TTC39B: variants seen among roughly 807,000 people sequenced by gnomAD.
TTC39B encodes tetratricopeptide repeat protein 39B.
TTC39B carries 92 observed loss-of-function variants against 96.6 expected under a neutral mutation model. The observed-to-expected ratio is 0.95, with a 90% CI of 0.80 to 1.13. The LOEUF is 1.13. TTC39B is among the 50% of genes most tolerant of loss of function. The pLI, the probability that TTC39B is intolerant of heterozygous loss-of-function variation, is 0.00. For synonymous variants in TTC39B, 367 were observed against 299.4 expected (o/e 1.23, Z -2.33); for missense variants, 955 against 809.3 (o/e 1.18, Z -2.18).
intron 1 of TTC39B, among the ~76,000 whole-genome samples, chr9:15,295,193 C>A (rs1824329306): frequency 6.6e-6 from 1 of 152,198 alleles, no homozygotes; most frequent in South Asian, 2.1e-4. Context: ...CAGCAAACTT[C>A]CTCCATAAAA....
At chr9:15,223,357 G>A (rs909365542) in intron 3 of TTC39B, among the ~76,000 whole-genome samples, 1 of 152,238 alleles carries the variant, frequency 6.6e-6, no homozygotes, top group Non-Finnish European at 1.5e-5. Flanking sequence ...AGAAGGTGGA[G>A]CATCAAGATG....
exon 20 of TTC39B, chr9:15,170,432 C>G (rs1484223827): frequency 6.6e-6 from 1 of 152,152 alleles, no homozygotes; most frequent in Non-Finnish European, 1.5e-5. Context: ...TGTGTTGATA[C>G]TGTAATCCAG....
intron 1 of TTC39B, among the ~76,000 whole-genome samples, chr9:15,284,728 C>G (rs570148316): frequency 3.9e-5 from 6 of 152,164 alleles, no homozygotes; most frequent in African/African-American, 1.2e-4. Flanking sequence ...CTGGTCTCTT[C>G]TGAGGAGAGG....
intron 8 of TTC39B, among the ~76,000 whole-genome samples, chr9:15,196,160 C>G (rs933183514): frequency 6.6e-6 from 1 of 152,200 alleles, no homozygotes; most frequent in Non-Finnish European, 1.5e-5. Context: ...GAAAATGCAC[C>G]TAGTCACCTA....
chr9:15,192,600 G>T (rs756490737), exon 9 of TTC39B: 1 of 1,613,072 alleles, frequency 6.2e-7, no homozygotes, highest in Non-Finnish European at 8.5e-7. Flanking sequence ...CAAATTAAAG[G>T]CCCCACTGCC....
chr9:15,266,845 C>A (rs1198108343), intron 2 of TTC39B, among the ~76,000 whole-genome samples: 1 of 152,032 alleles, frequency 6.6e-6, no homozygotes, highest in African/African-American at 2.4e-5. Context: ...TTTGGGAGGA[C>A]AAGAGGGGCA....
chr9:15,241,987 C>G (rs1392603403), intron 2 of TTC39B, among the ~76,000 whole-genome samples: 4 of 152,068 alleles, frequency 2.6e-5, no homozygotes, highest in Non-Finnish European at 5.9e-5. Context: ...CTCAGTTGAT[C>G]CACCTGCCTC....
intron 3 of TTC39B, among the ~76,000 whole-genome samples, chr9:15,219,397 C>T (rs554112119): frequency 4.6e-5 from 7 of 152,300 alleles, no homozygotes. Context: ...CTGCACTTTG[C>T]TCATAATCTG....
At chr9:15,167,984 T>C (rs560093136) in exon 20 of TTC39B, 1 of 152,246 alleles carries the variant, frequency 6.6e-6, no homozygotes, top group African/African-American at 2.4e-5. Flanking sequence ...CACGATCAAA[T>C]GAAAGTTTAA....
chr9:15,241,783 C>T (rs948206826), intron 2 of TTC39B, among the ~76,000 whole-genome samples: 1 of 145,086 alleles, frequency 6.9e-6, no homozygotes, highest in African/African-American at 2.6e-5. Flanking sequence ...AGTTCTGTCA[C>T]CCAGGCTGGA....
At chr9:15,171,811 G>T (rs1234460456) in exon 20 of TTC39B, 1 of 321,148 alleles carries the variant, frequency 3.1e-6, no homozygotes, top group Non-Finnish European at 5.6e-6. Context: ...CAAAATATAA[G>T]AATTTTCTAG....
chr9:15,229,785 C>A (rs562682856), intron 2 of TTC39B, among the ~76,000 whole-genome samples: 4 of 152,190 alleles, frequency 2.6e-5, no homozygotes, highest in Non-Finnish European at 4.4e-5. Flanking sequence ...ATTATCATGG[C>A]TTTCCGAGAC....
chr9:15,210,149 G>C lies in TTC39B; in HGVS notation c.630C>G (p.Tyr210Ter). The C allele has an allele frequency of 6.2e-7, 1 of 1,600,736 alleles. No individual in the cohort carries two copies. The highest frequency in any genetic ancestry group is 8.5e-7 in the Non-Finnish European group (1 of 1,174,360). Residue 210 changes from tyrosine (Y) to a stop codon, truncating the protein, a stop_gained, in exon 6 of 20, where the codon TAC becomes TAG. Coordinates refer to ENST00000512701, the Ensembl canonical transcript of TTC39B. LOFTEE classifies it high-confidence loss of function. ...GACTTGAGAAAGATTCTACAACTGT[G>C]TATTTTTTCCTGTATCTACATTGAA...
At chr9:15,245,564 T>C (rs1164954691) in intron 2 of TTC39B, among the ~76,000 whole-genome samples, 1 of 152,152 alleles carries the variant, frequency 6.6e-6, no homozygotes, top group Non-Finnish European at 1.5e-5. Flanking sequence ...ATAAACGCTA[T>C]ATATTGGGTC....
At chr9:15,167,346 C>A (rs1164397451) in exon 20 of TTC39B, 1 of 150,966 alleles carries the variant, frequency 6.6e-6, no homozygotes, top group Non-Finnish European at 1.5e-5. Flanking sequence ...CCATTGCCAG[C>A]CTCTAAAAAC....
chr9:15,240,281 C>CA (rs1564379175), intron 2 of TTC39B, among the ~76,000 whole-genome samples: 2 of 152,112 alleles, frequency 1.3e-5, no homozygotes. Flanking sequence ...CCCTGTTCCT[C>CA]ACGAAGGAAA....
intron 2 of TTC39B, chr9:15,249,507 G>C (rs1454229414): frequency 6.5e-6 from 1 of 153,762 alleles, no homozygotes; most frequent in Non-Finnish European, 1.4e-5. Context: ...AACCAGCAGA[G>C]GACATAAGAC....
At chr9:15,186,718 T>C (rs1423221289) in intron 15 of TTC39B, 1 of 384,578 alleles carries the variant, frequency 2.6e-6, no homozygotes, top group African/African-American at 2.1e-5. Context: ...GGAGACAGAG[T>C]CTCACTCTGT....
intron 2 of TTC39B, among the ~76,000 whole-genome samples, chr9:15,236,835 A>G (rs1029930706): frequency 4.6e-5 from 7 of 152,372 alleles, no homozygotes; most frequent in Admixed American, 4.6e-4. Flanking sequence ...TGCTAAGCGG[A>G]AAGTTTATAG....
Sources: gnomAD v4.1 joint callset for allele counts (sites outside exome capture counted in the v4.1 genomes callset) on GRCh38, gnomAD v4.1.1 for gene constraint, MANE v1.5 for transcripts, NCBI Gene and HGNC (gene_info 2026-07-23, HGNC 2026-07-21) for gene names.